The following F11 variants were observed in gnomAD, a reference collection of about 807,000 sequenced individuals.
F11 encodes coagualtion factor XI.
In F11, 78 loss-of-function variants were observed where a neutral mutation model predicts 76.5. The ratio of observed to expected loss-of-function variants is 1.02; its 90% CI spans 0.85 to 1.23. The LOEUF (loss-of-function observed/expected upper bound fraction) is 1.23, where lower values mean the gene tolerates loss of function less well. F11 is among the 50% of genes most tolerant of loss of function. F11 has a pLI of 0.00. For missense variants in F11, 742 were observed against 771.4 expected, an observed-to-expected ratio of 0.96 and a Z score of 0.45; for synonymous variants, 278 against 276.3, an observed-to-expected ratio of 1.01 and a Z score of -0.06.
intron 10 of F11, among the ~76,000 whole-genome samples, chr4:186,283,334 G>A (rs983786825): frequency 2.6e-5 from 4 of 152,134 alleles, no homozygotes; most frequent in African/African-American, 9.7e-5. Flanking sequence ...CCAACCGGGA[G>A]GGTGGGTTCT....
rs891827731 is a variant in F11, at chr4:186,273,112, C to T, written c.260C>T (p.Pro87Leu). The part of the protein sequence containing the change: ...VLKDSVTETL[P>L]RVNRTAAISG... ...AAAGACAGTGTTACAGAAACACTGC[C>T]AAGAGTGAATAGGACAGCAGCGATT... The change falls in exon 4 of 15, where the codon CCA (proline) becomes CTA (leucine). Residue 87 changes from proline (P) to leucine (L), a missense_variant. By Grantham distance (98) the Pro-to-Leu change is moderately conservative. Coordinates refer to ENST00000403665, the MANE Select transcript of F11 (RefSeq NM_000128.4). 15 of 1,613,778 alleles carry T rather than the reference C, an allele frequency of 9.3e-6. No individual in the cohort carries two copies. The highest frequency in any genetic ancestry group is 3.3e-5 in the Admixed American group (2 of 59,984).
intron 12 of F11, 73 bp from the exon 13 acceptor site, chr4:186,286,342 G>A: frequency 1.6e-6 from 2 of 1,284,076 alleles, no homozygotes; most frequent in Non-Finnish European, 2.3e-6. Flanking sequence ...AATGTACAGT[G>A]GAAGAAGAGT....
intron 2 of F11, 59 bp from the exon 3 acceptor site, chr4:186,271,550 C>T (rs1457344083): frequency 1.3e-6 from 2 of 1,590,692 alleles, no homozygotes; most frequent in Non-Finnish European, 1.7e-6. Flanking sequence ...AGATTACCAC[C>T]TAACTAGATG....
At chr4:186,279,891 A>G (rs1432547330) in intron 7 of F11, 121 bp from the exon 8 acceptor site, 1 of 803,574 alleles carries the variant, frequency 1.2e-6, no homozygotes, top group East Asian at 2.6e-5. Context: ...AGTACTTTCA[A>G]AATAGGAAAA....
At chr4:186,282,431 C>T (rs886276913) in intron 10 of F11, 21 of 985,240 alleles carry the variant, frequency 2.1e-5, no homozygotes, top group Admixed American at 1.8e-4. Flanking sequence ...GGAATAGCTG[C>T]GTGAGATATT....
chr4:186,285,577 CA>C, intron 11 of F11, 60 bp from the exon 12 acceptor site: 1 of 1,524,372 alleles, frequency 6.6e-7, no homozygotes, highest in South Asian at 1.1e-5. Flanking sequence ...ACACACTTCA[CA>C]ATGTCTGGGA....
intron 7 of F11, 127 bp from the exon 8 acceptor site, chr4:186,279,885 C>A (rs1450920594): frequency 9.0e-6 from 7 of 775,236 alleles, no homozygotes; most frequent in South Asian, 1.5e-5. Context: ...ATGAAGAGTA[C>A]TTTCAAAATA....
chr4:186,267,476 T>C (rs1739592346), intron 2 of F11, among the ~76,000 whole-genome samples: 1 of 152,120 alleles, frequency 6.6e-6, no homozygotes. Context: ...AAAGAAGAAA[T>C]CTTGATTTGC....
intron 10 of F11, 135 bp from the exon 11 acceptor site, chr4:186,283,957 T>A: frequency 7.1e-7 from 1 of 1,412,722 alleles, no homozygotes; most frequent in Non-Finnish European, 9.9e-7. Flanking sequence ...GCAGCTTGAT[T>A]ATAAAGTCTC....
chr4:186,275,560 A>G (rs981374127), intron 5 of F11, among the ~76,000 whole-genome samples: 2 of 152,136 alleles, frequency 1.3e-5, no homozygotes, highest in South Asian at 2.1e-4. Flanking sequence ...CTCCTTCTTC[A>G]TGTGGTCACT....
At chr4:186,289,760 G>A (rs1741457230), downstream of F11, among the ~76,000 whole-genome samples, 2 of 149,038 alleles carry the variant, frequency 1.3e-5, no homozygotes, top group African/African-American at 5.0e-5. Flanking sequence ...TCGGCTCACT[G>A]TAAACTCTAC....
At chr4:186,286,214 C>T in intron 12 of F11, 2 of 577,236 alleles carry the variant, frequency 3.5e-6, no homozygotes, top group Admixed American at 2.7e-5. Context: ...GAGGGTGAGG[C>T]TTGTCTCTCT....
chr4:186,288,858 C>A lies in F11; in HGVS notation c.*244C>A. On this transcript the variant is annotated 3_prime_UTR_variant, in exon 15 of 15. Transcript: ENST00000403665. ...TTTTTGATCACGCTTCTATGGAGTCCAAGAATTACCATAAGGCAATATTTC... is the reference window on the plus strand; with the variant it reads ...TTTTTGATCACGCTTCTATGGAGTCAAAGAATTACCATAAGGCAATATTTC... The A allele has an allele frequency of 2.0e-6, 1 of 489,044 alleles. No individual in the cohort carries two copies. The highest frequency in any genetic ancestry group is 3.7e-6 in the Non-Finnish European group (1 of 268,102). 30.3% of individuals were successfully genotyped at this position (489,044 alleles called of 1,614,324 possible).
intron 14 of F11, 52 bp from the exon 15 acceptor site, chr4:186,288,401 G>A: frequency 6.2e-7 from 1 of 1,611,484 alleles, no homozygotes; most frequent in Non-Finnish European, 8.5e-7. Context: ...TGCTGAAGAT[G>A]GGAAGCGTCT....
intron 7 of F11, among the ~76,000 whole-genome samples, chr4:186,279,383 A>C (rs1217360461): frequency 8.3e-6 from 1 of 119,824 alleles, no homozygotes; most frequent in Non-Finnish European, 1.7e-5. Flanking sequence ...ACTATGTCTC[A>C]AAAAAAAAAA....
chr4:186,280,161 C>T, intron 8 of F11, 40 bp downstream of exon 8: 3 of 1,613,764 alleles, frequency 1.9e-6, no homozygotes, highest in South Asian at 2.2e-5. Flanking sequence ...GAGTGACCAG[C>T]CCCGAGGAGG....
chr4:186,283,178 CAG>C (rs1740920989), intron 10 of F11: 6 of 373,432 alleles, frequency 1.6e-5, no homozygotes, highest in African/African-American at 2.2e-5. Context: ...AGGCAACCCA[CAG>C]GCACATAAAT....
Position 186,284,199 on chromosome 4 carries a change from C to A in F11, c.1243C>A (p.Leu415Met). ...LHTTSPTQRH[L>M]CGGSIIGNQW... ...CACAACCTCACCCACTCAGAGACAC[C>A]TGTGTGGAGGCTCCATCATTGGAAA... The change falls in exon 11 of 15, where the codon CTG becomes ATG. Residue 415 changes from leucine to methionine, a missense_variant. By Grantham distance (15) the Leu-to-Met change is conservative (BLOSUM62 2). Transcript: ENST00000403665. The A allele has an allele frequency of 6.2e-7, 1 of 1,614,240 alleles. No individual in the cohort carries two copies. Among genetic ancestry groups the A allele is most frequent in the African/African-American group, 1.3e-5 (1 of 75,056 alleles).
At chr4:186,273,689 G>A (rs1740152395) in intron 4 of F11, among the ~76,000 whole-genome samples, 1 of 152,194 alleles carries the variant, frequency 6.6e-6, no homozygotes, top group South Asian at 2.1e-4. Context: ...TTGGCCTCAA[G>A]TGATCTGCCC....
Sources: allele counts gnomAD v4.1 joint callset (sites outside exome capture counted in the v4.1 genomes callset), GRCh38; gene constraint gnomAD v4.1.1; transcripts MANE v1.5; gene names NCBI Gene and HGNC (gene_info 2026-07-23, HGNC 2026-07-21).